The following KCNT1 variants were observed in gnomAD, a reference collection of about 807,000 sequenced individuals.
The protein encoded by KCNT1 is potassium sodium-activated channel subfamily T member 1, also known as potassium channel subfamily T member 1.
KCNT1 carries 78 observed loss-of-function variants against 147.8 expected under a neutral mutation model. The ratio of observed to expected loss-of-function variants is 0.53; its 90% CI spans 0.44 to 0.64. The LOEUF is 0.64. Among genes scored for constraint, KCNT1 ranks in the 30% least tolerant of loss-of-function variants. The probability of loss-of-function intolerance (pLI) is 0.00; values close to 1 mark genes in which losing one functional copy is unlikely to be tolerated. For synonymous variants in KCNT1, 867 were observed against 748.8 expected, an observed-to-expected ratio of 1.16 and a Z score of -2.58; for missense variants, 1,419 against 1,750.3, an observed-to-expected ratio of 0.81 and a Z score of 3.38.
intron 1 of KCNT1, chr9:135,703,102 G>A (rs546120): frequency 0.63 from 95,995 of 152,528 alleles, 31,259 homozygotes; most frequent in Middle Eastern, 0.72. Flanking sequence ...TTGCCCCAGG[G>A]TCCAGGTTCC....
chr9:135,738,998 C>G (rs981082119), intron 2 of KCNT1, among the ~76,000 whole-genome samples: 6 of 152,146 alleles, frequency 3.9e-5, no homozygotes, highest in African/African-American at 1.4e-4. Flanking sequence ...CTGAGCCCCT[C>G]TGTGTCCCTA....
At position 135,791,856 on chromosome 9, in the gene KCNT1, A is replaced by G. The variant is rs986265932; in HGVS notation, c.3562A>G (p.Thr1188Ala). ...CGTCCTCATCAACCCTCCGCCCGAC[A>G]CGAGGCTGGAGCCCAGTGACATTGT... ...SYVLINPPPD[T>A]RLEPSDIVYL... is the part of the protein sequence containing the mutation. The change falls in exon 30 of 31, where the codon ACG (threonine) becomes GCG (alanine). Residue 1188 changes from threonine (T) to alanine (A), a missense_variant. This residue lies in a region of KCNT1 where 306 missense variants were observed against 294.2 expected (regional missense o/e 1.04). Coordinates refer to ENST00000371757, the MANE Select transcript of KCNT1 (RefSeq NM_020822.3). 4.3e-6 allele frequency: 7 copies of G among 1,613,754 alleles called. No homozygotes were observed. The highest frequency in any genetic ancestry group is 5.9e-6 in the Non-Finnish European group (7 of 1,179,952).
chr9:135,773,586 A>G (rs1345334255), intron 19 of KCNT1, among the ~76,000 whole-genome samples: 1 of 152,262 alleles, frequency 6.6e-6, no homozygotes, highest in Non-Finnish European at 1.5e-5. Context: ...ATCATGAGAC[A>G]GGAGGCCCCA....
At position 135,792,295 on chromosome 9, in the gene KCNT1, C is replaced by CTTTTTTA; in HGVS notation, c.*134_*135insTTTTTTA. 1 of 1,195,516 alleles carries CTTTTTTA rather than the reference C, an allele frequency of 8.4e-7. No individual in the cohort carries two copies. Among genetic ancestry groups the CTTTTTTA allele is most frequent in the Non-Finnish European group, 1.1e-6 (1 of 882,124 alleles). The allele number at this position is 1,195,516 out of a possible 1,614,324, so 74.1% of individuals were successfully genotyped here. A position where few individuals can be genotyped will look rare whatever the true frequency, so the allele number is the denominator to read the frequency against. ...CTACTCACCATGGCTCCTGGGACTCCACCCTGGAAAGGAGCCCCTCATGCG... is the reference window on the plus strand; with the variant it reads ...CTACTCACCATGGCTCCTGGGACTCCTTTTTTAACCCTGGAAAGGAGCCCCTCATGCG... On this transcript the variant is annotated 3_prime_UTR_variant, in exon 31 of 31. Coordinates refer to ENST00000371757, the MANE Select transcript of KCNT1 (RefSeq NM_020822.3).
intron 13 of KCNT1, 24 bp downstream of exon 13, chr9:135,765,784 G>A: frequency 1.9e-6 from 3 of 1,572,006 alleles, no homozygotes; most frequent in Non-Finnish European, 2.6e-6. Context: ...GGCGGAGGGG[G>A]TGGCATGGGG....
chr9:135,776,144 C>T (rs901099555), intron 20 of KCNT1, among the ~76,000 whole-genome samples: 1 of 152,130 alleles, frequency 6.6e-6, no homozygotes, highest in Admixed American at 6.5e-5. Flanking sequence ...GTGAAAATGA[C>T]TGTTTTCCTT....
chr9:135,750,263 C>T, intron 3 of KCNT1, 86 bp downstream of exon 3: 2 of 1,067,200 alleles, frequency 1.9e-6, no homozygotes, highest in South Asian at 2.6e-5. Context: ...AAGGCTGGGG[C>T]TGTGAGCTCA....
chr9:135,777,484 C>A lies in KCNT1; in HGVS notation c.2496C>A (p.Asn832Lys), dbSNP rs773018660. Residue 832 changes from asparagine (N) to lysine (K), a missense_variant, in exon 21 of 31, where the codon AAC becomes AAA. Around this residue, in one of 5 missense-constraint regions of KCNT1, gnomAD observed 247 missense variants for 397.1 expected, o/e 0.62. Transcript: ENST00000371757. ...RAYYRSRKELNPIVLLLDNKP... is the reference protein window; with the variant it reads ...RAYYRSRKELKPIVLLLDNKP... ...ACTACAGATCCCGCAAGGAGCTGAA[C>A]CCCATCGTGCTGCTGCTGGACAACA... The A allele has an allele frequency of 6.2e-7, 1 of 1,613,890 alleles. No individual in the cohort carries two copies. The highest frequency in any genetic ancestry group is 8.5e-7 in the Non-Finnish European group (1 of 1,179,928).
chr9:135,769,967 G>T lies in KCNT1; in HGVS notation c.1531G>T (p.Glu511Ter). ...CGCAGACCACGTGGTGTGTGAGGAGGAGTGCAAGTACGCCATGCTGGCGCT... is the reference window on the plus strand; with the variant it reads ...CGCAGACCACGTGGTGTGTGAGGAGTAGTGCAAGTACGCCATGCTGGCGCT... The part of the protein sequence containing the change: ...KFADHVVCEE[E>*]CKYAMLALNC... Residue 511 changes from glutamate (E) to a stop codon, truncating the protein, a stop_gained, in exon 16 of 31, where the codon GAG becomes TAG. Transcript: ENST00000371757. LOFTEE classifies it high-confidence loss of function. 6.4e-7 allele frequency: 1 copy of T among 1,553,844 alleles called. No individual in the cohort carries two copies. Among genetic ancestry groups the T allele is most frequent in the East Asian group, 2.4e-5 (1 of 41,228 alleles).
At chr9:135,735,788 C>G (rs1830313547) in intron 2 of KCNT1, among the ~76,000 whole-genome samples, 1 of 152,204 alleles carries the variant, frequency 6.6e-6, no homozygotes, top group Non-Finnish European at 1.5e-5. Context: ...TGCCACCCGG[C>G]ACTGCTGAGG....
intron 11 of KCNT1, 115 bp downstream of exon 11, chr9:135,759,974 GA>G: frequency 2.0e-6 from 2 of 1,008,786 alleles, no homozygotes; most frequent in Non-Finnish European, 2.8e-6. Flanking sequence ...CCCAGGAGGG[GA>G]CAGTGAGGCC....
At chr9:135,751,609 G>C (rs972594999) in intron 4 of KCNT1, among the ~76,000 whole-genome samples, 7 of 152,188 alleles carry the variant, frequency 4.6e-5, no homozygotes, top group East Asian at 3.9e-4. Context: ...TGCTCTCTCT[G>C]AGTCCTGTTC....
In KCNT1 at chr9:135,765,763, G is replaced by T. The variant is rs1244167132; in HGVS notation, c.1337+3G>T. The T allele has an allele frequency of 6.3e-7, 1 of 1,590,930 alleles. No individual in the cohort carries two copies. ...GACCAGGACCTCATGCGAGCCAAGT[G>T]AGTGCTGGTGGGCGGAGGGGGTGGC... is the stretch of plus-strand genomic sequence containing the variant. On this transcript the variant is annotated splice_donor_region_variant and intron_variant, in intron 13 of 30. Coordinates refer to ENST00000371757, the MANE Select transcript of KCNT1 (RefSeq NM_020822.3).
At chr9:135,770,536 C>T (rs1254579114) in intron 17 of KCNT1, 89 bp downstream of exon 17, 3 of 1,493,402 alleles carry the variant, frequency 2.0e-6, no homozygotes, top group Non-Finnish European at 2.7e-6. Flanking sequence ...ACAGGGGTGG[C>T]CCTGGGGCGG....
chr9:135,708,454 G>A (rs1232038613), intron 1 of KCNT1, among the ~76,000 whole-genome samples: 3 of 152,136 alleles, frequency 2.0e-5, no homozygotes, highest in African/African-American at 7.2e-5. Context: ...TGTCAAACAT[G>A]GCTCGCCCAG....
At chr9:135,726,184 G>A (rs1317867459) in intron 2 of KCNT1, among the ~76,000 whole-genome samples, 1 of 152,118 alleles carries the variant, frequency 6.6e-6, no homozygotes, top group African/African-American at 2.4e-5. Context: ...GTCTGGGCTG[G>A]GGGCTGGGCT....
chr9:135,706,490 C>T lies in KCNT1; in HGVS notation c.110+4122C>T, dbSNP rs969129818. Reference sequence around the variant, plus strand: ...GCTGCCACCGTCTCCTCCTTGGCACCGTCGCCCTGGGGCACCTGTGTCCTG... The same window carrying T: ...GCTGCCACCGTCTCCTCCTTGGCACTGTCGCCCTGGGGCACCTGTGTCCTG... On this transcript the variant is annotated intron_variant, in intron 1 of 30. Transcript: ENST00000371757. 3.9e-5 allele frequency among the ~76,000 whole-genome samples: 6 copies of T among 152,196 alleles called. 1 individual carries two copies. The highest frequency in any genetic ancestry group is 1.9e-4 in the East Asian group (1 of 5,188).
In KCNT1 at chr9:135,757,145, T is replaced by C. The variant is rs1160663190; in HGVS notation, c.601-11T>C. On this transcript the variant is annotated splice_polypyrimidine_tract_variant and intron_variant, in intron 7 of 30. Coordinates refer to ENST00000371757, the MANE Select transcript of KCNT1 (RefSeq NM_020822.3). ...CCATCGCCCCCGCTGATACCCCCCG[T>C]TTGGCCCCAGGGCAACATCTGGGAG... 1 of 1,158,240 alleles carries C rather than the reference T, an allele frequency of 8.6e-7. No homozygotes were observed. Among genetic ancestry groups the C allele is most frequent in the Non-Finnish European group, 1.1e-6 (1 of 880,712 alleles). 71.7% of individuals were successfully genotyped at this position (1,158,240 alleles called of 1,614,324 possible).
chr9:135,772,784 G>T lies in KCNT1; in HGVS notation c.2078G>T (p.Ser693Ile). 1 of 1,491,612 alleles carries T rather than the reference G, an allele frequency of 6.7e-7. No individual in the cohort carries two copies. Among genetic ancestry groups the T allele is most frequent in the Non-Finnish European group, 8.9e-7 (1 of 1,118,524 alleles). 92.4% of individuals were successfully genotyped at this position (1,491,612 alleles called of 1,614,324 possible). A position where few individuals can be genotyped will look rare whatever the true frequency, so the allele number is the denominator to read the frequency against. The change falls in exon 19 of 31, where the codon AGC becomes ATC. Residue 693 changes from serine to isoleucine, a missense_variant. By Grantham distance (142) the Ser-to-Ile change is moderately radical. Transcript: ENST00000371757. ...CAGAGCGGCGGTGGGGGCGGGGGCA[G>T]CAAGCTGGCACTGCCCACGGAGAAC... The part of the protein sequence containing the change: ...PTQSGGGGGG[S>I]KLALPTENGS...
Sources: gnomAD v4.1 joint callset for allele counts (sites outside exome capture counted in the v4.1 genomes callset) on GRCh38, gnomAD v4.1.1 for gene constraint, gnomAD v4.1.1 regional missense constraint, MANE v1.5 for transcripts, NCBI Gene and HGNC (gene_info 2026-07-23, HGNC 2026-07-21) for gene names.